Variants in CIMAP3 observed in about 807,000 individuals in gnomAD.
The protein encoded by CIMAP3 is ciliary microtubule-associated protein 3.
chr1:111,329,529 ATATAT>A, the CIMAP3 span, among the ~76,000 whole-genome samples: 1 of 24,194 alleles, frequency 4.1e-5, no homozygotes, highest in Admixed American at 2.5e-4. Context: ...ATATATATAT[ATATAT>A]ATATATATAT....
At chr1:111,348,484 C>G in the CIMAP3 span, 3 of 1,567,172 alleles carry the variant, frequency 1.9e-6, no homozygotes, top group East Asian at 2.2e-5. Context: ...ACATATCACT[C>G]TGTAACATAA....
the CIMAP3 span, among the ~76,000 whole-genome samples, chr1:111,331,823 A>G: frequency 6.6e-6 from 1 of 152,050 alleles, no homozygotes. Context: ...TAGGAAAGTC[A>G]TCTCTTCAAA....
At chr1:111,329,585 G>GA in the CIMAP3 span, among the ~76,000 whole-genome samples, 1 of 120,144 alleles carries the variant, frequency 8.3e-6, no homozygotes. Context: ...ATGGAGTTTT[G>GA]CTCTTGTTGC....
the CIMAP3 span, among the ~76,000 whole-genome samples, chr1:111,330,551 C>T: frequency 6.6e-6 from 1 of 152,154 alleles, no homozygotes; most frequent in African/African-American, 2.4e-5. Flanking sequence ...TATGCAGCTT[C>T]CTATGTTTCT....
At chr1:111,347,681 G>C in the CIMAP3 span, 1 of 1,604,346 alleles carries the variant, frequency 6.2e-7, no homozygotes, top group Non-Finnish European at 8.5e-7. Context: ...AAGGGATATG[G>C]CTTGGCATAC....
the CIMAP3 span, among the ~76,000 whole-genome samples, chr1:111,347,938 G>A: frequency 6.6e-6 from 1 of 152,220 alleles, no homozygotes; most frequent in African/African-American, 2.4e-5. Context: ...AAAAGCTTGG[G>A]CATTAACATT....
At chr1:111,327,509 C>T in the CIMAP3 span, among the ~76,000 whole-genome samples, 1 of 151,980 alleles carries the variant, frequency 6.6e-6, no homozygotes, top group South Asian at 2.1e-4. Flanking sequence ...TATTTGTAGG[C>T]TATGTATTAC....
chr1:111,346,526 C>T, the CIMAP3 span: 1 of 1,488,604 alleles, frequency 6.7e-7, no homozygotes, highest in African/African-American at 1.4e-5. Flanking sequence ...TCGGTGGACG[C>T]CCCAACTTGC....
chr1:111,344,362 A>G, the CIMAP3 span, among the ~76,000 whole-genome samples: 1 of 152,110 alleles, frequency 6.6e-6, no homozygotes, highest in South Asian at 2.1e-4. Flanking sequence ...CCCCTTCTCC[A>G]TGGCCAACCT....
the CIMAP3 span, among the ~76,000 whole-genome samples, chr1:111,341,164 A>T: frequency 6.8e-6 from 1 of 147,666 alleles, no homozygotes; most frequent in Non-Finnish European, 1.5e-5. Context: ...CAATGAGAAC[A>T]TATGGACACA....
At chr1:111,341,490 A>T in the CIMAP3 span, among the ~76,000 whole-genome samples, 9 of 152,222 alleles carry the variant, frequency 5.9e-5, no homozygotes, top group African/African-American at 1.9e-4. Context: ...CTGGGATCAT[A>T]CGGGCCCACC....
chr1:111,335,269 A>C, the CIMAP3 span, among the ~76,000 whole-genome samples: 1,036 of 151,916 alleles, frequency 6.8e-3, 14 homozygotes, highest in African/African-American at 0.024. Context: ...CCAGAGTGAG[A>C]GACACAGAAG....
the CIMAP3 span, chr1:111,352,478 T>G: frequency 6.6e-6 from 1 of 152,664 alleles, no homozygotes; most frequent in Non-Finnish European, 1.5e-5. Context: ...GGTGCCTAAT[T>G]CCTTAAAGGC....
chr1:111,342,315 G>A, the CIMAP3 span, among the ~76,000 whole-genome samples: 1 of 152,182 alleles, frequency 6.6e-6, no homozygotes, highest in African/African-American at 2.4e-5. Flanking sequence ...CCGTATCCAG[G>A]TGGCCATGTC....
At chr1:111,337,135 A>T in the CIMAP3 span, among the ~76,000 whole-genome samples, 8 of 152,142 alleles carry the variant, frequency 5.3e-5, no homozygotes, top group Admixed American at 2.6e-4. Flanking sequence ...TCCTTTACAG[A>T]CAAGCAAATG....
At chr1:111,345,882 C>T in the CIMAP3 span, among the ~76,000 whole-genome samples, 1 of 152,084 alleles carries the variant, frequency 6.6e-6, no homozygotes, top group Admixed American at 6.5e-5. Context: ...CGTATGTCAC[C>T]CACCAAGTAC....
chr1:111,331,446 T>C, the CIMAP3 span, among the ~76,000 whole-genome samples: 1 of 152,226 alleles, frequency 6.6e-6, no homozygotes, highest in Non-Finnish European at 1.5e-5. Context: ...TCTTTTAAGT[T>C]CAGAAATTGT....
chr1:111,338,131 A>G, the CIMAP3 span, among the ~76,000 whole-genome samples: 53 of 151,020 alleles, frequency 3.5e-4, no homozygotes, highest in Non-Finnish European at 4.4e-5. Context: ...AGAAATAAAG[A>G]TGTTCTTTGA....
the CIMAP3 span, among the ~76,000 whole-genome samples, chr1:111,334,673 C>T: frequency 6.6e-6 from 1 of 151,966 alleles, no homozygotes; most frequent in South Asian, 2.1e-4. Context: ...AGAAACTTAT[C>T]AGAGAAATTT....
Sources: gnomAD v4.1 joint callset for allele counts (sites outside exome capture counted in the v4.1 genomes callset) on GRCh38, gnomAD v4.1.1 for gene constraint, MANE v1.5 for transcripts, NCBI Gene and HGNC (gene_info 2026-07-23, HGNC 2026-07-21) for gene names.